SIGLEC1: variants seen among roughly 807,000 people sequenced by gnomAD.
SIGLEC1 encodes the protein sialic acid binding Ig like lectin 1.
In SIGLEC1, 132 loss-of-function variants were observed where a neutral mutation model predicts 148.0. That is an observed-to-expected ratio of 0.89 (90% CI 0.77 to 1.03). The LOEUF is 1.03. Ranked by LOEUF, SIGLEC1 falls within the 50% of genes least tolerant of loss-of-function variation. The probability of loss-of-function intolerance (pLI) is 0.00; values close to 1 mark genes in which losing one functional copy is unlikely to be tolerated. For synonymous variants in SIGLEC1, 945 were observed against 969.0 expected, an observed-to-expected ratio of 0.98 and a Z score of 0.46; for missense variants, 2,253 against 2,271.4, an observed-to-expected ratio of 0.99 and a Z score of 0.16.
At position 3,689,671 on chromosome 20, in the gene SIGLEC1, C is replaced by T; in HGVS notation, c.4926G>A (p.Leu1642=). 6.3e-7 allele frequency: 1 copy of T among 1,588,038 alleles called. No homozygotes were observed. The highest frequency in any genetic ancestry group is 2.3e-5 in the East Asian group (1 of 43,950). ...CCACCAGCAGTCCCAGGACCCAGAG[C>T]AGCTGCTGGAACTGATGCAGGCGGT... The part of the protein sequence containing the change: ...ALHRLHQFQQ[L]LWVLGLLVGL... Residue 1642 remains leucine (L), a synonymous_variant, in exon 20 of 22, where the codon CTG becomes CTA. Transcript: ENST00000344754.
intron 1 of SIGLEC1, among the ~76,000 whole-genome samples, chr20:3,707,879 C>A (rs1042401072): frequency 6.6e-5 from 10 of 152,256 alleles, no homozygotes; most frequent in African/African-American, 2.4e-4. Flanking sequence ...CCTGCTGAAA[C>A]CTTATTCAAC....
rs1480089919 is a variant in SIGLEC1, at chr20:3,706,725, G to C, written c.50-19C>G. ...GCCTGGCCTGGGGGAAGAACGGCAG[G>C]GGGACAGAGGGGAGGGTGATACAGG... On this transcript the variant is annotated intron_variant, in intron 2 of 21. Transcript: ENST00000344754. 6.6e-7 allele frequency: 1 copy of C among 1,521,682 alleles called. No homozygotes were observed. The highest frequency in any genetic ancestry group is 1.4e-5 in the African/African-American group (1 of 72,778). 94.3% of individuals were successfully genotyped at this position (1,521,682 alleles called of 1,614,324 possible).
In SIGLEC1 at chr20:3,710,500, C is replaced by G. The variant is rs909790369; in HGVS notation, c.-110+1970G>C. On this transcript the variant is annotated intron_variant, in intron 1 of 21. Transcript: ENST00000344754. The surrounding 1 kb of genome is among the most constrained non-coding windows in gnomAD (Gnocchi z 4.6). The stretch of plus-strand genomic sequence containing the variant: ...TCCTCCTCTTCTGGGAAGATGCACC[C>G]CCAGCCTCCACACCAGGTTCTTGGC... Among the ~76,000 whole-genome samples, 1 of 152,188 alleles carries G rather than the reference C, an allele frequency of 6.6e-6. No individual in the cohort carries two copies. Among genetic ancestry groups the G allele is most frequent in the African/African-American group, 2.4e-5 (1 of 41,446 alleles).
rs1158158471 is a variant in SIGLEC1, at chr20:3,703,773, C to T, written c.973+52G>A. ...CCCTGTCTCCCCTCCGTCCCTGAGG[C>T]CTGAGCTCCTCCCTATTCTCTGGCC... is the stretch of plus-strand genomic sequence containing the variant. On this transcript the variant is annotated intron_variant, in intron 5 of 21. Coordinates refer to ENST00000344754, the MANE Select transcript of SIGLEC1 (RefSeq NM_023068.4). 3.7e-6 allele frequency: 6 copies of T among 1,606,524 alleles called. No individual in the cohort carries two copies. The East Asian group carries it at 8.9e-5, about 24-fold the overall frequency.
intron 11 of SIGLEC1, 101 bp downstream of exon 11, chr20:3,696,485 A>G: frequency 8.2e-7 from 1 of 1,213,500 alleles, no homozygotes; most frequent in Non-Finnish European, 1.1e-6. Context: ...ACTGAAAAAG[A>G]CATATTTCTG....
chr20:3,698,635 G>A (rs1364524061), intron 8 of SIGLEC1, among the ~76,000 whole-genome samples: 3 of 152,262 alleles, frequency 2.0e-5, no homozygotes, highest in Non-Finnish European at 4.4e-5. Context: ...TTGGCCAAAA[G>A]AGAGCAATCA....
In SIGLEC1 at chr20:3,694,413, G is replaced by C; in HGVS notation, c.3064C>G (p.Arg1022Gly). ...PAQLRLLHGD[R>G]LVASTLQGVG... ...CCTTGTAGGGTGGAGGCCACAAGGCGATCCCCGTGGAGCAGCCGCAGCTGG... is the reference window on the plus strand; with the variant it reads ...CCTTGTAGGGTGGAGGCCACAAGGCCATCCCCGTGGAGCAGCCGCAGCTGG... The change falls in exon 13 of 22, where the codon CGC becomes GGC. Residue 1022 changes from arginine (R) to glycine (G), a missense_variant. Transcript: ENST00000344754. 3 of 1,612,674 alleles carry C rather than the reference G, an allele frequency of 1.9e-6. No individual in the cohort carries two copies. The highest frequency in any genetic ancestry group is 2.5e-6 in the Non-Finnish European group (3 of 1,179,498).
rs780761523 is a variant in SIGLEC1 at position 3,692,703 on chromosome 20, T to C, written c.3848A>G (p.Asp1283Gly). The change falls in exon 16 of 22, where the codon GAC (aspartate) becomes GGC (glycine). Residue 1283 changes from aspartate (D) to glycine (G), a missense_variant. Asp to Gly is a moderately conservative substitution (Grantham distance 94). Transcript: ENST00000344754. ...EGAPITVTCA[D>G]PAAHAPTLYT... is the part of the protein sequence containing the mutation. ...GAGTGTGGGTGCGTGGGCAGCAGGG[T>C]CCGCACAGGTCACTGTGATGGGGGC... The C allele has an allele frequency of 6.2e-7, 1 of 1,612,840 alleles. No homozygotes were observed.
intron 7 of SIGLEC1, 117 bp downstream of exon 7, chr20:3,701,225 C>T (rs183299077): frequency 4.4e-5 from 42 of 961,666 alleles, no homozygotes; most frequent in Middle Eastern, 3.3e-4. Context: ...TTTTATGTGG[C>T]GTAGCCAGTT....
rs759467279 is a variant in SIGLEC1 at position 3,687,848 on chromosome 20, G to A, written c.*712C>T. 2.0e-5 allele frequency: 3 copies of A among 152,916 alleles called. No individual in the cohort carries two copies. Among genetic ancestry groups the A allele is most frequent in the Admixed American group, 6.5e-5 (1 of 15,452 alleles). The allele number at this position is 152,916 out of a possible 1,614,324, so 9.5% of individuals were successfully genotyped here. On this transcript the variant is annotated 3_prime_UTR_variant, in exon 22 of 22. Transcript: ENST00000344754. The stretch of plus-strand genomic sequence containing the variant: ...CTCCCTTGTAGCTTGCAGTAGCCAT[G>A]TGACAATACTCCAGCCAATGGGAAG...
intron 20 of SIGLEC1, 38 bp downstream of exon 20, chr20:3,689,558 CCTTA>C: frequency 1.4e-6 from 2 of 1,405,806 alleles, no homozygotes; most frequent in Non-Finnish European, 2.0e-6. Context: ...AGGTGGGCTG[CCTTA>C]CCCCAATCTT....
At chr20:3,695,424 C>T (rs1568841678) in intron 11 of SIGLEC1, among the ~76,000 whole-genome samples, 1 of 152,188 alleles carries the variant, frequency 6.6e-6, no homozygotes, top group Admixed American at 6.5e-5. Flanking sequence ...CCAGGCCAGC[C>T]CTGCATCCAG....
At position 3,703,223 on chromosome 20, in the gene SIGLEC1, G is replaced by C. The variant is rs760322719; in HGVS notation, c.1202C>G (p.Ser401Trp). Residue 401 changes from serine to tryptophan, a missense_variant, in exon 6 of 22, where the codon TCG becomes TGG. By Grantham distance (177) the Ser-to-Trp change is radical. Coordinates refer to ENST00000344754, the MANE Select transcript of SIGLEC1 (RefSeq NM_023068.4). ...GTTGACTACCACGCTGACAGGGCCC[G>C]AGCGCTCGCTGCCATGGACGTTCTG... ...EVQNVHGSER[S>W]GPVSVVVNHP... The C allele has an allele frequency of 1.1e-5, 18 of 1,613,960 alleles. No homozygotes were observed. The highest frequency in any genetic ancestry group is 1.4e-5 in the Non-Finnish European group (17 of 1,180,034).
At chr20:3,697,745 A>G (rs1163179375) in intron 9 of SIGLEC1, 53 bp downstream of exon 9, 1 of 1,540,570 alleles carries the variant, frequency 6.5e-7, no homozygotes, top group African/African-American at 1.4e-5. Context: ...GGAGCAGAAC[A>G]GTCCAGAGCT....
At chr20:3,701,954 C>A (rs2087855525) in intron 6 of SIGLEC1, among the ~76,000 whole-genome samples, 2 of 152,166 alleles carry the variant, frequency 1.3e-5, no homozygotes, top group East Asian at 3.8e-4. Context: ...TGAGCATCAT[C>A]AGCAATGGGA....
At chr20:3,691,696 G>T in intron 17 of SIGLEC1, 96 bp from the exon 18 acceptor site, 1 of 1,489,336 alleles carries the variant, frequency 6.7e-7, no homozygotes, top group Non-Finnish European at 9.1e-7. Flanking sequence ...CACATTGTGG[G>T]AAGGTCTCAG....
At chr20:3,700,269 C>A (rs1283886308) in intron 7 of SIGLEC1, among the ~76,000 whole-genome samples, 1 of 151,900 alleles carries the variant, frequency 6.6e-6, no homozygotes, top group Non-Finnish European at 1.5e-5. Context: ...AGGTGTGCGC[C>A]ACCACACCCG....
intron 10 of SIGLEC1, 28 bp from the exon 11 acceptor site, chr20:3,696,916 C>T (rs377481122): frequency 5.8e-6 from 9 of 1,540,230 alleles, no homozygotes; most frequent in South Asian, 2.5e-5. Flanking sequence ...GCTGAGGCCA[C>T]CCAGCCTAGC....
Position 3,689,985 on chromosome 20 carries a change from G to A in SIGLEC1, c.4871C>T (p.Thr1624Ile). The A allele has an allele frequency of 1.2e-6, 2 of 1,612,904 alleles. No homozygotes were observed. Among genetic ancestry groups the A allele is most frequent in the Non-Finnish European group, 1.7e-6 (2 of 1,179,746 alleles). ...SASNVLGSASTSTYFGVRALH... is the reference protein window; with the variant it reads ...SASNVLGSASISTYFGVRALH... ...ACCTCTGACCCCAAAGTAGGTGGAG[G>A]TAGAGGCAGAGCCCAGGACATTTGA... Residue 1624 changes from threonine to isoleucine, a missense_variant, in exon 19 of 22, where the codon ACC becomes ATC. By Grantham distance (89) the Thr-to-Ile change is moderately conservative. Coordinates refer to ENST00000344754, the MANE Select transcript of SIGLEC1 (RefSeq NM_023068.4).
Sources: gnomAD v4.1 joint callset for allele counts (sites outside exome capture counted in the v4.1 genomes callset) on GRCh38, gnomAD v4.1.1 for gene constraint, Gnocchi (gnomAD v3.1) non-coding constraint, MANE v1.5 for transcripts, NCBI Gene and HGNC (gene_info 2026-07-23, HGNC 2026-07-21) for gene names.